Variants in PHF24 observed in about 807,000 individuals in gnomAD.
The protein encoded by PHF24 is Galpha inhibitory interacting protein.
Under a neutral mutation model 42.6 loss-of-function variants are expected in PHF24, and 25 were observed. The observed-to-expected ratio is 0.59, with a 90% confidence interval of 0.43 to 0.82. PHF24 has a LOEUF of 0.82. PHF24 is among the 40% of genes least tolerant of loss of function. The pLI is 0.00. For missense variants in PHF24, 470 were observed against 538.1 expected (o/e 0.87, Z 1.25); for synonymous variants, 185 against 204.8 (o/e 0.90, Z 0.83).
At chr9:34,893,217 G>C in the PHF24 span, 1 of 467,404 alleles carries the variant, frequency 2.1e-6, no homozygotes, top group Admixed American at 3.5e-5. Context: ...AAAAGTGTGG[G>C]CCGGGGTTGG....
At chr9:34,810,152 C>T in the PHF24 span, among the ~76,000 whole-genome samples, 1 of 151,992 alleles carries the variant, frequency 6.6e-6, no homozygotes, top group South Asian at 2.1e-4. Flanking sequence ...CGGCCCCGGA[C>T]GGCCCCGGTA....
At chr9:34,845,868 C>T in the PHF24 span, among the ~76,000 whole-genome samples, 352 of 150,806 alleles carry the variant, frequency 2.3e-3, 2 homozygotes, top group African/African-American at 7.2e-3. Flanking sequence ...TTTGTTCTTG[C>T]GATAGTTTAC....
chr9:34,902,899 C>T, the PHF24 span, among the ~76,000 whole-genome samples: 2 of 152,046 alleles, frequency 1.3e-5, no homozygotes, highest in African/African-American at 4.8e-5. Flanking sequence ...TGAGTTTGGC[C>T]ATCTCTGGCG....
At chr9:34,766,529 C>T in the PHF24 span, among the ~76,000 whole-genome samples, 4 of 152,190 alleles carry the variant, frequency 2.6e-5, no homozygotes, top group African/African-American at 7.2e-5. Flanking sequence ...ACATAGTTCT[C>T]GAGCCTTGGC....
At chr9:34,697,718 A>G in the PHF24 span, among the ~76,000 whole-genome samples, 1 of 152,246 alleles carries the variant, frequency 6.6e-6, no homozygotes, top group Admixed American at 6.5e-5. Context: ...TTAGAAATAA[A>G]TGTTGAAATT....
the PHF24 span, among the ~76,000 whole-genome samples, chr9:34,872,814 G>A: frequency 2.1e-4 from 29 of 137,874 alleles, no homozygotes; most frequent in East Asian, 4.4e-3. Context: ...CTAGTTTACA[G>A]TCCCACCAAC....
At chr9:34,803,068 A>T in the PHF24 span, among the ~76,000 whole-genome samples, 1 of 152,180 alleles carries the variant, frequency 6.6e-6, no homozygotes, top group East Asian at 1.9e-4. Context: ...GCAATGAGCC[A>T]TCTAAATACA....
the PHF24 span, chr9:34,727,057 A>T: frequency 6.7e-7 from 1 of 1,496,758 alleles, no homozygotes. Flanking sequence ...TGTGGGCTGG[A>T]GTGGGCACTC....
At chr9:34,860,076 A>G in the PHF24 span, among the ~76,000 whole-genome samples, 2 of 152,090 alleles carry the variant, frequency 1.3e-5, no homozygotes, top group African/African-American at 2.4e-5. Flanking sequence ...TTGCACCTCC[A>G]TCTTCTCAAC....
chr9:34,873,970 G>A, the PHF24 span, among the ~76,000 whole-genome samples: 2 of 152,152 alleles, frequency 1.3e-5, no homozygotes, highest in Non-Finnish European at 2.9e-5. Context: ...AATTGTGAAT[G>A]GAAGTTCACT....
At chr9:34,846,500 C>T in the PHF24 span, among the ~76,000 whole-genome samples, 1 of 151,922 alleles carries the variant, frequency 6.6e-6, no homozygotes, top group East Asian at 1.9e-4. Flanking sequence ...TGGATATTAG[C>T]CCTTTGTCAG....
At chr9:34,793,885 G>C in the PHF24 span, among the ~76,000 whole-genome samples, 1 of 151,490 alleles carries the variant, frequency 6.6e-6, no homozygotes, top group South Asian at 2.1e-4. Context: ...TAGAGGGCGG[G>C]GTGAACCCCT....
At chr9:34,840,432 T>C in the PHF24 span, among the ~76,000 whole-genome samples, 3 of 151,746 alleles carry the variant, frequency 2.0e-5, no homozygotes, top group African/African-American at 7.3e-5. Flanking sequence ...TCCTCCTCCT[T>C]CTTCTTCTCC....
At chr9:34,668,078 G>A in the PHF24 span, among the ~76,000 whole-genome samples, 1 of 152,178 alleles carries the variant, frequency 6.6e-6, no homozygotes, top group Non-Finnish European at 1.5e-5. Flanking sequence ...CCAGGAATTG[G>A]GTGTTGATTT....
chr9:34,920,047 T>C, the PHF24 span, among the ~76,000 whole-genome samples: 285 of 152,288 alleles, frequency 1.9e-3, 1 homozygote, highest in African/African-American at 6.3e-3. Context: ...GATATACTAA[T>C]TTTCTTTCTT....
the PHF24 span, among the ~76,000 whole-genome samples, chr9:34,730,731 T>A: frequency 6.6e-6 from 1 of 152,224 alleles, no homozygotes; most frequent in Non-Finnish European, 1.5e-5. Context: ...AGGATCATGG[T>A]CATCAGAGAG....
chr9:34,739,050 A>T, the PHF24 span, among the ~76,000 whole-genome samples: 2 of 152,164 alleles, frequency 1.3e-5, no homozygotes, highest in African/African-American at 4.8e-5. Flanking sequence ...ATGTACCATG[A>T]TTCTGGGTTT....
the PHF24 span, among the ~76,000 whole-genome samples, chr9:34,937,851 C>A: frequency 6.6e-6 from 1 of 152,196 alleles, no homozygotes; most frequent in Non-Finnish European, 1.5e-5. Flanking sequence ...GAAATAGATT[C>A]ATGGTTCTCT....
the PHF24 span, among the ~76,000 whole-genome samples, chr9:34,947,807 G>A: frequency 1.3e-5 from 2 of 152,082 alleles, no homozygotes; most frequent in Non-Finnish European, 2.9e-5. Flanking sequence ...AAATAAACAT[G>A]TTAAAAATAA....
Sources: gnomAD v4.1 joint callset for allele counts (sites outside exome capture counted in the v4.1 genomes callset) on GRCh38, gnomAD v4.1.1 for gene constraint, MANE v1.5 for transcripts, NCBI Gene and HGNC (gene_info 2026-07-23, HGNC 2026-07-21) for gene names.